Variants in BRINP2 observed in about 807,000 individuals in gnomAD.
BRINP2 encodes BMP/retinoic acid-inducible neural-specific protein 2.
Under a neutral mutation model 69.2 loss-of-function variants are expected in BRINP2, and 21 were observed. The ratio of observed to expected loss-of-function variants is 0.30; its 90% confidence interval spans 0.22 to 0.44. BRINP2 has a LOEUF of 0.44. BRINP2 is among the 20% of genes least tolerant of loss of function. The pLI, the probability that BRINP2 is intolerant of heterozygous loss-of-function variation, is 1.00. For missense variants in BRINP2, 877 were observed against 986.0 expected (o/e 0.89, Z 1.48); for synonymous variants, 380 against 394.1 (o/e 0.96, Z 0.42).
chr1:177,243,916 C>A (rs764785377), intron 2 of BRINP2, among the ~76,000 whole-genome samples: 6 of 147,194 alleles, frequency 4.1e-5, no homozygotes, highest in Non-Finnish European at 7.4e-5. Context: ...TAGACCTGGA[C>A]TCATATTCCA....
intron 1 of BRINP2, among the ~76,000 whole-genome samples, chr1:177,218,794 A>G (rs1269182460): frequency 6.6e-6 from 1 of 152,154 alleles, no homozygotes; most frequent in Non-Finnish European, 1.5e-5. Context: ...AGTTTGATTC[A>G]GTTCCATGGA....
intron 1 of BRINP2, among the ~76,000 whole-genome samples, chr1:177,223,216 A>T (rs1649593363): frequency 6.6e-6 from 1 of 152,166 alleles, no homozygotes; most frequent in Non-Finnish European, 1.5e-5. Flanking sequence ...AGCAACTGAC[A>T]GATGAATCTG....
At position 177,199,058 on chromosome 1, in the gene BRINP2, G is replaced by T. The variant is rs36088749; in HGVS notation, c.-77+27326G>T. ...GTAATATTTTAGGTAAGGAAAAAAA[G>T]CCACCCTTCAAGATTTTCATTCATT... On this transcript the variant is annotated intron_variant, in intron 1 of 7. Coordinates refer to ENST00000361539, the MANE Select transcript of BRINP2 (RefSeq NM_021165.4). Among the ~76,000 whole-genome samples, 441 of 152,248 alleles carry T rather than the reference G, an allele frequency of 2.9e-3. 5 individuals carry two copies. The highest frequency in any genetic ancestry group is 0.01 in the African/African-American group (427 of 41,548).
At chr1:177,171,980 C>T (rs1008086734) in intron 1 of BRINP2, among the ~76,000 whole-genome samples, 2 of 152,320 alleles carry the variant, frequency 1.3e-5, no homozygotes, top group East Asian at 3.9e-4. Flanking sequence ...AGGGTTTGGG[C>T]TCCCTGCCTG....
intron 4 of BRINP2, among the ~76,000 whole-genome samples, chr1:177,262,387 C>A (rs1650983465): frequency 6.6e-6 from 1 of 152,010 alleles, no homozygotes; most frequent in Non-Finnish European, 1.5e-5. Context: ...TGGTGCACCC[C>A]TGTAGTCCCA....
chr1:177,239,376 TG>T (rs1168775579), intron 2 of BRINP2, among the ~76,000 whole-genome samples: 1 of 152,230 alleles, frequency 6.6e-6, no homozygotes, highest in Non-Finnish European at 1.5e-5. Flanking sequence ...TCTACAAGGG[TG>T]CGATGTAAAT....
intron 4 of BRINP2, among the ~76,000 whole-genome samples, chr1:177,265,461 T>C (rs1318254619): frequency 6.6e-6 from 1 of 152,240 alleles, no homozygotes; most frequent in Admixed American, 6.5e-5. Flanking sequence ...TACCTGATTT[T>C]CTTGCATTAT....
At chr1:177,210,850 A>T (rs1199063295) in intron 1 of BRINP2, among the ~76,000 whole-genome samples, 3 of 151,790 alleles carry the variant, frequency 2.0e-5, no homozygotes, top group Non-Finnish European at 4.4e-5. Flanking sequence ...TGTGAAAAAA[A>T]AAACTCAGTC....
At chr1:177,178,274 C>G (rs1471518352) in intron 1 of BRINP2, among the ~76,000 whole-genome samples, 2 of 152,162 alleles carry the variant, frequency 1.3e-5, no homozygotes, top group East Asian at 3.9e-4. Flanking sequence ...TTTGACCATG[C>G]TTTTCCTCTT....
At chr1:177,232,782 G>T (rs1293874982) in intron 2 of BRINP2, among the ~76,000 whole-genome samples, 1 of 142,958 alleles carries the variant, frequency 7.0e-6, no homozygotes, top group Non-Finnish European at 1.6e-5. Context: ...AGTAGAAAGA[G>T]GAAAAAAAAA....
intron 1 of BRINP2, among the ~76,000 whole-genome samples, chr1:177,216,488 A>G (rs1649380501): frequency 1.3e-5 from 2 of 152,094 alleles, no homozygotes; most frequent in Admixed American, 1.3e-4. Context: ...TAACAATTTC[A>G]TCCTTTAATG....
chr1:177,218,034 TC>T (rs1649427376), intron 1 of BRINP2, among the ~76,000 whole-genome samples: 1 of 152,192 alleles, frequency 6.6e-6, no homozygotes. Flanking sequence ...AGATTTGCCT[TC>T]CTCCATGGGT....
Position 177,229,802 on chromosome 1 carries a change from T to C in BRINP2, c.-75T>C. 6.6e-7 allele frequency: 1 copy of C among 1,503,840 alleles called. No homozygotes were observed. The allele number at this position is 1,503,840 out of a possible 1,614,324, so 93.2% of individuals were successfully genotyped here. ...ACAATGCCTTTTGTACTTTTCCAGC[T>C]CCGAGCCCTGGAGGAGCAGCACGGA... On this transcript the variant is annotated splice_region_variant and 5_prime_UTR_variant, in exon 2 of 8. Coordinates refer to ENST00000361539, the MANE Select transcript of BRINP2 (RefSeq NM_021165.4).
intron 2 of BRINP2, 104 bp downstream of exon 2, chr1:177,230,249 C>A: frequency 7.9e-7 from 1 of 1,272,906 alleles, no homozygotes; most frequent in South Asian, 1.6e-5. Context: ...GGAATGCCCT[C>A]AAACTGAGCT....
At chr1:177,179,858 G>A (rs1648196341) in intron 1 of BRINP2, among the ~76,000 whole-genome samples, 1 of 152,162 alleles carries the variant, frequency 6.6e-6, no homozygotes, top group South Asian at 2.1e-4. Context: ...GATGCTGGCA[G>A]TGTTCTGTTT....
At chr1:177,174,963 A>G (rs964538920) in intron 1 of BRINP2, among the ~76,000 whole-genome samples, 5 of 152,312 alleles carry the variant, frequency 3.3e-5, no homozygotes, top group East Asian at 1.9e-4. Flanking sequence ...ATGATATCAA[A>G]AAATCTGAAT....
At chr1:177,181,966 G>GT (rs1233707073) in intron 1 of BRINP2, among the ~76,000 whole-genome samples, 1 of 152,242 alleles carries the variant, frequency 6.6e-6, no homozygotes, top group Non-Finnish European at 1.5e-5. Context: ...ACCCTTATCT[G>GT]TAAGTACACT....
At chr1:177,199,734 A>C (rs1571893707) in intron 1 of BRINP2, among the ~76,000 whole-genome samples, 1 of 152,318 alleles carries the variant, frequency 6.6e-6, no homozygotes, top group Non-Finnish European at 1.5e-5. Context: ...TGATGTACAA[A>C]AGCAGGACAG....
At position 177,281,271 on chromosome 1, in the gene BRINP2, G is replaced by C. The variant is rs1360838716; in HGVS notation, c.2095G>C (p.Asp699His). The change falls in exon 8 of 8, where the codon GAC becomes CAC. Residue 699 changes from aspartate (D) to histidine (H), a missense_variant. Asp to His is a moderately conservative substitution (Grantham distance 81). Transcript: ENST00000361539. ...SLPFDPDAIR[D>H]LILQLDYPYT... The stretch of plus-strand genomic sequence containing the variant: ...GCCCTTTGACCCAGATGCTATCCGG[G>C]ACTTAATTCTCCAGTTGGACTACCC... 1 of 1,613,956 alleles carries C rather than the reference G, an allele frequency of 6.2e-7. No homozygotes were observed. The highest frequency in any genetic ancestry group is 2.2e-5 in the East Asian group (1 of 44,866).
Sources: allele counts gnomAD v4.1 joint callset (sites outside exome capture counted in the v4.1 genomes callset), GRCh38; gene constraint gnomAD v4.1.1; transcripts MANE v1.5; gene names NCBI Gene and HGNC (gene_info 2026-07-23, HGNC 2026-07-21).